The following NKAIN3 variants were observed in gnomAD, a reference collection of about 807,000 sequenced individuals.
The protein encoded by NKAIN3 is sodium/potassium-transporting ATPase subunit beta-1-interacting protein 3.
Under a neutral mutation model 30.2 loss-of-function variants are expected in NKAIN3, and 25 were observed. The ratio of observed to expected loss-of-function variants is 0.83; its 90% CI spans 0.60 to 1.16. The LOEUF (loss-of-function observed/expected upper bound fraction) is 1.16. Among genes scored for constraint, NKAIN3 ranks in the 50% most tolerant of loss-of-function variants. NKAIN3 has a pLI of 0.00. For synonymous variants in NKAIN3, 91 were observed against 89.6 expected (o/e 1.02, Z -0.09); for missense variants, 225 against 254.1 (o/e 0.89, Z 0.78).
chr8:62,581,816 CTT>C (rs753109206), intron 2 of NKAIN3, among the ~76,000 whole-genome samples: 18,993 of 54,058 alleles, frequency 0.35, 6,380 homozygotes, highest in Middle Eastern at 0.43. Flanking sequence ...TCCCTTCCTT[CTT>C]TACTTCCTTC....
At chr8:62,509,995 T>C (rs1159224330) in intron 1 of NKAIN3, among the ~76,000 whole-genome samples, 5 of 152,134 alleles carry the variant, frequency 3.3e-5, no homozygotes, top group Non-Finnish European at 7.4e-5. Flanking sequence ...GATAATGGTA[T>C]GGATGGCTGA....
At chr8:62,274,474 G>A (rs1457173339) in intron 1 of NKAIN3, among the ~76,000 whole-genome samples, 3 of 152,070 alleles carry the variant, frequency 2.0e-5, no homozygotes, top group South Asian at 2.1e-4. Flanking sequence ...CATCTAAGGC[G>A]TTGGGGAAGG....
chr8:62,412,136 C>A (rs1804256981), intron 1 of NKAIN3, among the ~76,000 whole-genome samples: 1 of 151,992 alleles, frequency 6.6e-6, no homozygotes, highest in Admixed American at 6.6e-5. Flanking sequence ...AAGAACAAGG[C>A]CAAAGGCATC....
At chr8:62,326,648 A>G (rs981889629) in intron 1 of NKAIN3, among the ~76,000 whole-genome samples, 1 of 151,982 alleles carries the variant, frequency 6.6e-6, no homozygotes, top group Non-Finnish European at 1.5e-5. Flanking sequence ...TCAAAAAACT[A>G]AATGTATGTA....
intron 1 of NKAIN3, among the ~76,000 whole-genome samples, chr8:62,535,068 G>A (rs1808613280): frequency 6.6e-6 from 1 of 152,042 alleles, no homozygotes; most frequent in Non-Finnish European, 1.5e-5. Context: ...TCTTTATGGA[G>A]TCATTACTAC....
intron 4 of NKAIN3, among the ~76,000 whole-genome samples, chr8:62,901,979 T>G (rs1296036697): frequency 6.6e-6 from 1 of 152,150 alleles, no homozygotes; most frequent in Non-Finnish European, 1.5e-5. Flanking sequence ...AGCTGCTCAG[T>G]GAGAAGCAGA....
chr8:62,747,236 A>T, intron 4 of NKAIN3, 107 bp downstream of exon 4: 1 of 668,712 alleles, frequency 1.5e-6, no homozygotes, highest in East Asian at 2.7e-5. Context: ...CACAGAGAAC[A>T]TCCAACAGAA....
rs1046212463 is a variant in NKAIN3 at position 62,508,149 on chromosome 8, G to A, written c.55-71390G>A. Among the ~76,000 whole-genome samples the A allele has an allele frequency of 2.6e-5, 4 of 152,144 alleles. No individual in the cohort carries two copies. In the East Asian group the frequency reaches 7.7e-4, roughly 29 times the overall value. On this transcript the variant is annotated intron_variant, in intron 1 of 6. Coordinates refer to ENST00000623646, the MANE Select transcript of NKAIN3 (RefSeq NM_001304533.3). ...GCCGGGCTGTGGAGAAAGTAGTTCTGTGAAAACCTGGGAAGAATCTGATTA... is the reference window on the plus strand; with the variant it reads ...GCCGGGCTGTGGAGAAAGTAGTTCTATGAAAACCTGGGAAGAATCTGATTA...
chr8:62,418,535 G>A (rs552326624), intron 1 of NKAIN3, among the ~76,000 whole-genome samples: 1 of 152,024 alleles, frequency 6.6e-6, no homozygotes, highest in Non-Finnish European at 1.5e-5. Flanking sequence ...TGATCTTTGC[G>A]ATCTCCCCTT....
intron 1 of NKAIN3, among the ~76,000 whole-genome samples, chr8:62,356,569 A>G (rs1816365141): frequency 2.0e-5 from 3 of 152,166 alleles, no homozygotes; most frequent in African/African-American, 7.2e-5. Context: ...TTTTTACCTT[A>G]GTATATCCTC....
intron 1 of NKAIN3, among the ~76,000 whole-genome samples, chr8:62,513,857 C>CAAAAA (rs10608416): frequency 1.9e-5 from 1 of 52,616 alleles, no homozygotes; most frequent in Non-Finnish European, 3.2e-5. Context: ...AAACCTGTCT[C>CAAAAA]AAAAAAAAAA....
At chr8:62,501,934 A>C (rs1439327030) in intron 1 of NKAIN3, among the ~76,000 whole-genome samples, 1 of 152,196 alleles carries the variant, frequency 6.6e-6, no homozygotes, top group African/African-American at 2.4e-5. Context: ...ATGCATTTTA[A>C]ATACCAACAG....
At chr8:62,327,352 C>A (rs573139224) in intron 1 of NKAIN3, among the ~76,000 whole-genome samples, 3 of 152,012 alleles carry the variant, frequency 2.0e-5, no homozygotes, top group African/African-American at 7.2e-5. Flanking sequence ...TTTCTTTTGT[C>A]ACGTGTGTCT....
chr8:62,808,983 A>G (rs1415684015), intron 4 of NKAIN3, among the ~76,000 whole-genome samples: 4 of 152,136 alleles, frequency 2.6e-5, no homozygotes, highest in Non-Finnish European at 4.4e-5. Context: ...GGACAGTCCC[A>G]GAGTGGCCAT....
At chr8:62,436,282 G>A (rs993824706) in intron 1 of NKAIN3, among the ~76,000 whole-genome samples, 2 of 152,148 alleles carry the variant, frequency 1.3e-5, no homozygotes, top group South Asian at 2.1e-4. Context: ...TACCGCAAAT[G>A]TTACTGACTG....
rs961205699 is a variant in NKAIN3, at chr8:62,974,024, A to C, written c.*8617A>C. Among the ~76,000 whole-genome samples, 3 of 152,114 alleles carry C rather than the reference A, an allele frequency of 2.0e-5. No individual in the cohort carries two copies. The highest frequency in any genetic ancestry group is 7.2e-5 in the African/African-American group (3 of 41,426). ...CCTCTGTTCTGTTGCATTGGTCTAT[A>C]TATCTGTTTTAGTAAAAGTACCATG... is the stretch of plus-strand genomic sequence containing the variant. On this transcript the variant is annotated 3_prime_UTR_variant, in exon 7 of 7. Coordinates refer to ENST00000623646, the MANE Select transcript of NKAIN3 (RefSeq NM_001304533.3).
At chr8:62,445,107 A>G (rs894329027) in intron 1 of NKAIN3, among the ~76,000 whole-genome samples, 1 of 151,880 alleles carries the variant, frequency 6.6e-6, no homozygotes, top group African/African-American at 2.4e-5. Context: ...CACCATGCCC[A>G]GGTAATTTTT....
intron 1 of NKAIN3, among the ~76,000 whole-genome samples, chr8:62,501,390 G>A (rs547424949): frequency 4.1e-4 from 62 of 152,028 alleles, no homozygotes; most frequent in Non-Finnish European, 7.6e-4. Context: ...CATTGATTTC[G>A]TTCCTTTTGG....
chr8:62,463,376 C>A (rs1265442911), intron 1 of NKAIN3, among the ~76,000 whole-genome samples: 2 of 152,172 alleles, frequency 1.3e-5, no homozygotes, highest in Admixed American at 6.5e-5. Flanking sequence ...ACTTAGCAGA[C>A]AAACAAAATC....
Sources: allele counts gnomAD v4.1 joint callset (sites outside exome capture counted in the v4.1 genomes callset), GRCh38; gene constraint gnomAD v4.1.1; transcripts MANE v1.5; gene names NCBI Gene and HGNC (gene_info 2026-07-23, HGNC 2026-07-21).